CALN1: variants seen among roughly 807,000 people sequenced by gnomAD.
CALN1 encodes calcium-binding protein 8.
In CALN1, 17 loss-of-function variants were observed where a neutral mutation model predicts 30.6. That is an observed-to-expected ratio of 0.56 (90% CI 0.38 to 0.83). The LOEUF (loss-of-function observed/expected upper bound fraction) is 0.83. Among genes scored for constraint, CALN1 ranks in the 40% least tolerant of loss-of-function variants. The pLI is 0.00. For synonymous variants in CALN1, 156 were observed against 131.4 expected (o/e 1.19, Z -1.28); for missense variants, 291 against 354.9 (o/e 0.82, Z 1.45).
chr7:72,157,166 C>T (rs1250582788), intron 3 of CALN1, among the ~76,000 whole-genome samples: 7 of 152,304 alleles, frequency 4.6e-5, no homozygotes, highest in Middle Eastern at 3.4e-3. Flanking sequence ...CTGGTCAGAG[C>T]TCATTCATTC....
At chr7:72,413,173 G>A, upstream of CALN1, among the ~76,000 whole-genome samples, 1 of 151,748 alleles carries the variant, frequency 6.6e-6, no homozygotes, top group Middle Eastern at 3.2e-3. Context: ...ACACTCATAT[G>A]TACACACTGA....
At chr7:72,422,057 C>A (rs1807630280) in intron 1 of CALN1, among the ~76,000 whole-genome samples, 1 of 152,160 alleles carries the variant, frequency 6.6e-6, no homozygotes, top group South Asian at 2.1e-4. Flanking sequence ...GGTTCCACGT[C>A]TTGCAATTGT....
chr7:71,821,382 C>G (rs1374076534), intron 5 of CALN1, among the ~76,000 whole-genome samples: 1 of 152,046 alleles, frequency 6.6e-6, no homozygotes, highest in South Asian at 2.1e-4. Flanking sequence ...AAGGACTCAC[C>G]GTTCCACATG....
At chr7:72,490,113 C>T in the CALN1 span, among the ~76,000 whole-genome samples, 1 of 152,160 alleles carries the variant, frequency 6.6e-6, no homozygotes, top group Non-Finnish European at 1.5e-5. Flanking sequence ...CATGGCTTCT[C>T]CTTGGCAAAT....
chr7:72,295,310 C>G lies in CALN1; in HGVS notation c.120-16500G>C, dbSNP rs1014231993. Among the ~76,000 whole-genome samples, 7 of 151,910 alleles carry G rather than the reference C, an allele frequency of 4.6e-5. No homozygotes were observed. The East Asian group carries it at 1.2e-3, about 25-fold the overall frequency. On this transcript the variant is annotated intron_variant, in intron 2 of 6. Coordinates refer to ENST00000395275, the MANE Select transcript of CALN1 (RefSeq NM_031468.4). ...AAACAATACTTATTTTTAAAAATAA[C>G]AAAAACAATACTTATTTTTTTTAAA...
At chr7:72,497,757 T>C in the CALN1 span, among the ~76,000 whole-genome samples, 363 of 152,074 alleles carry the variant, frequency 2.4e-3, no homozygotes, top group African/African-American at 8.4e-3. Context: ...AAGGTTATTA[T>C]ACAATAAAAA....
At chr7:71,837,648 T>G (rs1789701486) in intron 5 of CALN1, among the ~76,000 whole-genome samples, 1 of 152,136 alleles carries the variant, frequency 6.6e-6, no homozygotes, top group Admixed American at 6.5e-5. Context: ...ATACTGAAAG[T>G]GCACATAGGC....
intron 3 of CALN1, among the ~76,000 whole-genome samples, chr7:72,239,746 T>A (rs180951748): frequency 1.3e-5 from 2 of 152,208 alleles, no homozygotes; most frequent in Admixed American, 1.3e-4. Context: ...CTCTGCCAGG[T>A]AGCTCCTACA....
chr7:72,024,178 T>A (rs1284932542), intron 4 of CALN1, among the ~76,000 whole-genome samples: 1 of 152,194 alleles, frequency 6.6e-6, no homozygotes, highest in East Asian at 1.9e-4. Flanking sequence ...TGATTTCACC[T>A]CTTAAGTATC....
chr7:72,450,148 G>A (rs1024810898), upstream of CALN1, among the ~76,000 whole-genome samples: 4 of 152,160 alleles, frequency 2.6e-5, no homozygotes, highest in East Asian at 1.9e-4. Context: ...CAAGGTTACC[G>A]TGAGCCACGA....
intron 2 of CALN1, among the ~76,000 whole-genome samples, chr7:72,341,026 T>A (rs1802357088): frequency 6.6e-6 from 1 of 151,946 alleles, no homozygotes; most frequent in African/African-American, 2.4e-5. Flanking sequence ...TTATCAGCAA[T>A]GTGAAAACGA....
At chr7:71,880,302 G>A (rs1792490828) in intron 5 of CALN1, among the ~76,000 whole-genome samples, 2 of 152,134 alleles carry the variant, frequency 1.3e-5, no homozygotes, top group Non-Finnish European at 2.9e-5. Flanking sequence ...TTCTCCCAGG[G>A]TTGAAGCTAT....
At chr7:72,280,377 G>A (rs1797655908) in intron 2 of CALN1, among the ~76,000 whole-genome samples, 1 of 152,122 alleles carries the variant, frequency 6.6e-6, no homozygotes, top group South Asian at 2.1e-4. Context: ...CAGAACAATT[G>A]CAAATGGCAG....
intron 5 of CALN1, among the ~76,000 whole-genome samples, chr7:71,970,208 G>A (rs1797727056): frequency 6.6e-6 from 1 of 152,130 alleles, no homozygotes; most frequent in African/African-American, 2.4e-5. Context: ...AGAAAAGACA[G>A]AGTTTCTAGG....
At chr7:72,118,975 T>C (rs1808191957) in intron 3 of CALN1, among the ~76,000 whole-genome samples, 2 of 152,230 alleles carry the variant, frequency 1.3e-5, no homozygotes, top group South Asian at 4.1e-4. Flanking sequence ...TTTCAAGCAG[T>C]ATCTACGTTG....
At chr7:72,094,880 C>T (rs1426809793) in intron 4 of CALN1, among the ~76,000 whole-genome samples, 1 of 152,120 alleles carries the variant, frequency 6.6e-6, no homozygotes, top group Non-Finnish European at 1.5e-5. Flanking sequence ...TAGGGTCTTT[C>T]GCCCAACCAA....
chr7:72,014,413 G>C, intron 5 of CALN1, among the ~76,000 whole-genome samples: 1 of 151,958 alleles, frequency 6.6e-6, no homozygotes, highest in East Asian at 1.9e-4. Context: ...TCTTGCTCCT[G>C]ACAACTTTGA....
At chr7:72,345,466 AAG>A (rs961764710) in intron 2 of CALN1, among the ~76,000 whole-genome samples, 19 of 148,280 alleles carry the variant, frequency 1.3e-4, no homozygotes, top group African/African-American at 3.7e-4. Context: ...AGACAAAAGA[AAG>A]AGAGGGAAGG....
chr7:72,247,718 T>C (rs1392880164), intron 3 of CALN1, among the ~76,000 whole-genome samples: 11 of 152,146 alleles, frequency 7.2e-5, no homozygotes, highest in African/African-American at 2.7e-4. Context: ...TGGCCAGGCA[T>C]GGAGGCTCAT....
Sources: gnomAD v4.1 joint callset for allele counts (sites outside exome capture counted in the v4.1 genomes callset) on GRCh38, gnomAD v4.1.1 for gene constraint, MANE v1.5 for transcripts, NCBI Gene and HGNC (gene_info 2026-07-23, HGNC 2026-07-21) for gene names.